Variants in CSPP1 observed in about 807,000 individuals in gnomAD.
CSPP1 encodes centrosome and spindle pole associated protein 1.
A neutral mutation model predicts 164.4 loss-of-function variants in CSPP1; 126 were observed. That is an observed-to-expected ratio of 0.77 (90% confidence interval 0.66 to 0.89). CSPP1 has a LOEUF of 0.89. Among genes scored for constraint, CSPP1 ranks in the 40% least tolerant of loss-of-function variants. The pLI is 0.00. For synonymous variants in CSPP1, 472 were observed against 476.7 expected, an observed-to-expected ratio of 0.99 and a Z score of 0.13; for missense variants, 1,395 against 1,449.8, an observed-to-expected ratio of 0.96 and a Z score of 0.61.
At chr8:67,089,832 G>GT (rs991766489) in intron 4 of CSPP1, among the ~76,000 whole-genome samples, 58 of 144,010 alleles carry the variant, frequency 4.0e-4, no homozygotes, top group Admixed American at 1.2e-3. Flanking sequence ...ATAAAAAAAA[G>GT]TTTTTTTTTT....
chr8:67,091,989 C>T (rs1335079593), intron 5 of CSPP1, 106 bp downstream of exon 5: 1 of 311,138 alleles, frequency 3.2e-6, no homozygotes, highest in Non-Finnish European at 6.2e-6. Flanking sequence ...ACATCATTTC[C>T]CCACACTTGA....
In CSPP1 at chr8:67,095,657, G is replaced by A; in HGVS notation, c.848G>A (p.Ser283Asn). 3.1e-6 allele frequency: 5 copies of A among 1,613,242 alleles called. No individual in the cohort carries two copies. The highest frequency in any genetic ancestry group is 4.2e-6 in the Non-Finnish European group (5 of 1,179,552). Residue 283 changes from serine to asparagine, a missense_variant, in exon 7 of 31, where the codon AGT becomes AAT. By Grantham distance (46) the Ser-to-Asn change is conservative. Coordinates refer to ENST00000678616, the MANE Select transcript of CSPP1 (RefSeq NM_001382391.1). ...YHRPDQDPEV[S>N]EEMDERFRYE... ...AGACCAGACCAAGATCCTGAAGTAAGTGAAGAAATGGATGAGAGGTTTAGA... is the reference window on the plus strand; with the variant it reads ...AGACCAGACCAAGATCCTGAAGTAAATGAAGAAATGGATGAGAGGTTTAGA...
At chr8:67,067,498 C>G (rs774224335) in intron 1 of CSPP1, among the ~76,000 whole-genome samples, 11 of 151,894 alleles carry the variant, frequency 7.2e-5, no homozygotes, top group Non-Finnish European at 1.6e-4. Context: ...GAGTCTCGCT[C>G]TGTCACCTAG....
At chr8:67,118,716 T>C (rs780029745) in intron 14 of CSPP1, 27 bp from the exon 15 acceptor site, 3 of 1,495,712 alleles carry the variant, frequency 2.0e-6, no homozygotes, top group Non-Finnish European at 1.8e-6. Flanking sequence ...AAATAAACTT[T>C]TTTTGTTTTT....
intron 4 of CSPP1, 132 bp downstream of exon 4, chr8:67,086,242 A>G: frequency 1.3e-6 from 1 of 749,622 alleles, no homozygotes; most frequent in Non-Finnish European, 2.5e-6. Context: ...AGTATAGTCA[A>G]AGTTAAGTGG....
At chr8:67,102,380 A>C (rs947678771) in intron 7 of CSPP1, among the ~76,000 whole-genome samples, 1 of 152,192 alleles carries the variant, frequency 6.6e-6, no homozygotes, top group Non-Finnish European at 1.5e-5. Flanking sequence ...TCACAAGGTT[A>C]GGAGATCGAG....
At chr8:67,156,452 A>G (rs1826685284) in intron 19 of CSPP1, among the ~76,000 whole-genome samples, 1 of 152,132 alleles carries the variant, frequency 6.6e-6, no homozygotes, top group Admixed American at 6.5e-5. Context: ...CACCCTGTCA[A>G]CCCTCAATTT....
chr8:67,181,352 T>C (rs2129571279), intron 28 of CSPP1, among the ~76,000 whole-genome samples: 1 of 151,310 alleles, frequency 6.6e-6, no homozygotes, highest in Non-Finnish European at 1.5e-5. Context: ...TTTTTTTTTT[T>C]TTTTTTTTTA....
At chr8:67,081,058 A>T (rs1809051375) in intron 3 of CSPP1, 1 of 152,276 alleles carries the variant, frequency 6.6e-6, no homozygotes. Context: ...TTCTGGCATG[A>T]CCAGCTCCCG....
intron 30 of CSPP1, among the ~76,000 whole-genome samples, chr8:67,194,837 T>C (rs1430983401): frequency 6.6e-6 from 1 of 152,200 alleles, no homozygotes; most frequent in Admixed American, 6.5e-5. Context: ...TACCTCTTCA[T>C]TGACTGGACA....
intron 16 of CSPP1, among the ~76,000 whole-genome samples, chr8:67,137,192 G>C (rs1160257715): frequency 6.6e-6 from 1 of 151,948 alleles, no homozygotes; most frequent in African/African-American, 2.4e-5. Flanking sequence ...TGTTGGCCAG[G>C]CTGGTCTTGA....
At chr8:67,109,028 A>C (rs1483207842) in intron 9 of CSPP1, among the ~76,000 whole-genome samples, 1 of 152,212 alleles carries the variant, frequency 6.6e-6, no homozygotes, top group Non-Finnish European at 1.5e-5. Context: ...TTTCTAGTGA[A>C]CATTTGAAAA....
At chr8:67,074,168 G>A in intron 1 of CSPP1, 75 bp from the exon 2 acceptor site, 1 of 750,842 alleles carries the variant, frequency 1.3e-6, no homozygotes, top group Middle Eastern at 3.8e-4. Flanking sequence ...ACTAAATGTG[G>A]ACTAAGCCTA....
At chr8:67,172,154 ATTTTTT>A (rs540548645) in intron 24 of CSPP1, among the ~76,000 whole-genome samples, 1 of 124,880 alleles carries the variant, frequency 8.0e-6, no homozygotes, top group Non-Finnish European at 1.7e-5. Context: ...TGGCCTCATA[ATTTTTT>A]TTTTTTTTTT....
chr8:67,141,708 A>C (rs1158803740), intron 17 of CSPP1, among the ~76,000 whole-genome samples: 1 of 152,080 alleles, frequency 6.6e-6, no homozygotes, highest in Middle Eastern at 3.2e-3. Flanking sequence ...TTTAGTAAAG[A>C]TGGGGTTTCA....
chr8:67,112,343 C>T (rs968058343), intron 10 of CSPP1, among the ~76,000 whole-genome samples: 1 of 150,472 alleles, frequency 6.6e-6, no homozygotes, highest in Non-Finnish European at 1.5e-5. Flanking sequence ...TTTAAGGTAG[C>T]ATTTAATGTT....
chr8:67,125,441 T>TACTTG (rs996622929), intron 15 of CSPP1, among the ~76,000 whole-genome samples: 4 of 152,226 alleles, frequency 2.6e-5, no homozygotes, highest in Admixed American at 2.6e-4. Context: ...GAGTTTTTCT[T>TACTTG]ACTTGGAGTT....
chr8:67,119,409 G>C (rs1818557929), intron 15 of CSPP1, among the ~76,000 whole-genome samples: 1 of 152,094 alleles, frequency 6.6e-6, no homozygotes, highest in African/African-American at 2.4e-5. Flanking sequence ...TGTACCCAGA[G>C]CTGGAATTGC....
chr8:67,189,108 C>T (rs1489280777), intron 28 of CSPP1, among the ~76,000 whole-genome samples: 1 of 152,196 alleles, frequency 6.6e-6, no homozygotes, highest in Non-Finnish European at 1.5e-5. Context: ...GCATTCAAAA[C>T]ACTGACACCA....
Sources: gnomAD v4.1 joint callset for allele counts (sites outside exome capture counted in the v4.1 genomes callset) on GRCh38, gnomAD v4.1.1 for gene constraint, MANE v1.5 for transcripts, NCBI Gene and HGNC (gene_info 2026-07-23, HGNC 2026-07-21) for gene names.